The following FES variants were observed in gnomAD, a reference collection of about 807,000 sequenced individuals.
FES encodes the protein FES proto-oncogene, tyrosine kinase, also known as tyrosine-protein kinase Fes/Fps.
Under a neutral mutation model 109.6 loss-of-function variants are expected in FES, and 83 were observed. The ratio of observed to expected loss-of-function variants is 0.76; its 90% CI spans 0.63 to 0.91. The LOEUF (loss-of-function observed/expected upper bound fraction) is 0.91. Among genes scored for constraint, FES ranks in the 40% least tolerant of loss-of-function variants. The pLI is 0.00. For missense variants in FES, 943 were observed against 1,070.9 expected (o/e 0.88, Z 1.67); for synonymous variants, 458 against 442.1 (o/e 1.04, Z -0.45).
Position 90,893,977 on chromosome 15 carries a change from T to G in FES, c.2245T>G (p.Leu749Val). ...AAGCGACGTGTGGAGCTTTGGCATCTTGCTCTGGGAGACCTTCAGCCTGGG... is the reference window on the plus strand; with the variant it reads ...AAGCGACGTGTGGAGCTTTGGCATCGTGCTCTGGGAGACCTTCAGCCTGGG... ...SESDVWSFGI[L>V]LWETFSLGAS... The change falls in exon 18 of 19, where the codon TTG becomes GTG. Residue 749 changes from leucine to valine, a missense_variant. Coordinates refer to ENST00000328850, the MANE Select transcript of FES (RefSeq NM_002005.4). The G allele has an allele frequency of 6.2e-7, 1 of 1,613,864 alleles. No homozygotes were observed. Among genetic ancestry groups the G allele is most frequent in the East Asian group, 2.2e-5 (1 of 44,874 alleles).
At chr15:90,891,251 C>G in intron 11 of FES, 60 bp downstream of exon 11, 2 of 1,516,316 alleles carry the variant, frequency 1.3e-6, no homozygotes, top group Non-Finnish European at 1.8e-6. Flanking sequence ...TTCCCTTCCC[C>G]AAGGGAAATG....
At chr15:90,891,808 C>A (rs984659857) in intron 12 of FES, 132 bp downstream of exon 12, 4 of 1,346,828 alleles carry the variant, frequency 3.0e-6, no homozygotes, top group African/African-American at 1.4e-5. Context: ...GAGTGAGTGA[C>A]CCTCAGGGCC....
chr15:90,890,295 G>A lies in FES; in HGVS notation c.1236+17G>A, dbSNP rs749208680. The A allele has an allele frequency of 1.9e-6, 3 of 1,586,488 alleles. No individual in the cohort carries two copies. Among genetic ancestry groups the A allele is most frequent in the South Asian group, 1.1e-5 (1 of 90,204 alleles). On this transcript the variant is annotated intron_variant, in intron 9 of 18. Coordinates refer to ENST00000328850, the MANE Select transcript of FES (RefSeq NM_002005.4). ...TCGTCCTCGGTGAGCTGCCCCATCCGCGGCCGCTGCCCGCCACCGGCCTGC... is the reference window on the plus strand; with the variant it reads ...TCGTCCTCGGTGAGCTGCCCCATCCACGGCCGCTGCCCGCCACCGGCCTGC...
At position 90,885,505 on chromosome 15, in the gene FES, A is replaced by C; in HGVS notation, c.307A>C (p.Ser103Arg). ...DLNSGPLSKL[S>R]LLIRERQQLR... Reference sequence around the variant, plus strand: ...GAACTCAGGGCCCCTGAGCAAGCTGAGCCTGCTCATCCGGGAACGGCAGCA... The same window carrying C: ...GAACTCAGGGCCCCTGAGCAAGCTGCGCCTGCTCATCCGGGAACGGCAGCA... Residue 103 changes from serine to arginine, a missense_variant, in exon 3 of 19, where the codon AGC (serine) becomes CGC (arginine). By Grantham distance (110) the Ser-to-Arg change is moderately radical. Transcript: ENST00000328850. 1.2e-6 allele frequency: 2 copies of C among 1,613,442 alleles called. No individual in the cohort carries two copies. The highest frequency in any genetic ancestry group is 1.7e-6 in the Non-Finnish European group (2 of 1,180,032).
In FES at chr15:90,889,203, G is replaced by C. The variant is rs2032955330; in HGVS notation, c.669-103G>C. The C allele has an allele frequency of 6.7e-7, 1 of 1,493,024 alleles. No homozygotes were observed. The allele number at this position is 1,493,024 out of a possible 1,614,324, so 92.5% of individuals were successfully genotyped here. On this transcript the variant is annotated intron_variant, in intron 5 of 18. Transcript: ENST00000328850. The surrounding 1 kb of genome is among the most constrained non-coding windows in gnomAD (Gnocchi z 6.1). ...CATGGCTAGCTCGAAGTGAGGCAGG[G>C]GTCAACCCCAGCCCTGACTCCAAAC...
In FES at chr15:90,889,436, C is replaced by A; in HGVS notation, c.799C>A (p.Gln267Lys). 1 of 1,614,076 alleles carries A rather than the reference C, an allele frequency of 6.2e-7. No homozygotes were observed. Among genetic ancestry groups the A allele is most frequent in the South Asian group, 1.1e-5 (1 of 91,088 alleles). ...PEAEYQGFLR[Q>K]YGSAPDVPPC... ...GGCTGAGTACCAAGGCTTCCTGCGA[C>A]AGTATGGGTAAGCCCCGTCCTTGCT... is the stretch of plus-strand genomic sequence containing the variant. The change falls in exon 6 of 19, where the codon CAG (glutamine) becomes AAG (lysine). Residue 267 changes from glutamine (Q) to lysine (K), a missense_variant. Gln to Lys is a moderately conservative substitution (Grantham distance 53, BLOSUM62 1). Transcript: ENST00000328850. This position sits in a 1 kb window ranked among gnomAD's most constrained non-coding sequence, Gnocchi z 6.1.
rs748341609 is a variant in FES at position 90,892,069 on chromosome 15, G to A, written c.1665G>A (p.Val555=). The change falls in exon 13 of 19, where the codon GTG becomes GTA. Residue 555 remains valine, a synonymous_variant. Transcript: ENST00000328850. The part of the protein sequence containing the change: ...LHRAVPKDKW[V]LNHEDLVLGE... Reference sequence around the variant, plus strand: ...CCTCTCTTCCCCAGGACAAGTGGGTGCTGAACCATGAGGACCTGGTGTTGG... The same window carrying A: ...CCTCTCTTCCCCAGGACAAGTGGGTACTGAACCATGAGGACCTGGTGTTGG... 4 of 1,614,130 alleles carry A rather than the reference G, an allele frequency of 2.5e-6. No homozygotes were observed. Among genetic ancestry groups the A allele is most frequent in the Admixed American group, 1.7e-5 (1 of 60,026 alleles).
In FES at chr15:90,889,603, T is replaced by G; in HGVS notation, c.893T>G (p.Leu298Arg). ...GEPLEPGELQ[L>R]NELTVESVQH... ...CCGCTGGAGCCTGGGGAGCTCCAGC[T>G]GAACGAGCTGACTGTGGAGAGCGTG... is the stretch of plus-strand genomic sequence containing the variant. Residue 298 changes from leucine to arginine, a missense_variant, in exon 7 of 19, where the codon CTG (leucine) becomes CGG (arginine). Leu to Arg is a moderately radical substitution (Grantham distance 102). Transcript: ENST00000328850. This position sits in a 1 kb window ranked among gnomAD's most constrained non-coding sequence, Gnocchi z 6.1. The G allele has an allele frequency of 6.2e-7, 1 of 1,613,590 alleles. No individual in the cohort carries two copies. The highest frequency in any genetic ancestry group is 8.5e-7 in the Non-Finnish European group (1 of 1,179,998).
intron 18 of FES, among the ~76,000 whole-genome samples, chr15:90,894,346 AG>A (rs1195475071): frequency 3.3e-5 from 5 of 152,314 alleles, no homozygotes; most frequent in Middle Eastern, 3.4e-3. Context: ...GCACTTTGGG[AG>A]GCCGAGGCAG....
At chr15:90,890,039 C>T in intron 8 of FES, 53 bp from the exon 9 acceptor site, 1 of 1,582,138 alleles carries the variant, frequency 6.3e-7, no homozygotes, top group Non-Finnish European at 8.6e-7. Context: ...TGGCTACCCG[C>T]CGCAGACCGA....
At chr15:90,888,801 TGTA>T (rs2032917300) in intron 5 of FES, among the ~76,000 whole-genome samples, 1 of 150,188 alleles carries the variant, frequency 6.7e-6, no homozygotes, top group Admixed American at 6.7e-5. Flanking sequence ...TATTTAGAGA[TGTA>T]GTCTCATTCT....
Position 90,889,998 on chromosome 15 carries a change from C to G in FES, c.1049+36C>G. On this transcript the variant is annotated intron_variant, in intron 8 of 18. Transcript: ENST00000328850. This position sits in a 1 kb window ranked among gnomAD's most constrained non-coding sequence, Gnocchi z 6.1. ...CCCTGCCTGCAGCAGCCTCCTGGGC[C>G]TCCCTCCCTCCTACCTACCCTAACT... The G allele has an allele frequency of 6.2e-7, 1 of 1,601,818 alleles. No homozygotes were observed. Among genetic ancestry groups the G allele is most frequent in the Non-Finnish European group, 8.5e-7 (1 of 1,172,850 alleles).
At chr15:90,888,685 G>A (rs1009053954) in intron 5 of FES, among the ~76,000 whole-genome samples, 7 of 152,188 alleles carry the variant, frequency 4.6e-5, no homozygotes, top group African/African-American at 1.4e-4. Context: ...AGATGGAGTG[G>A]CTGTTAACTT....
Position 90,889,460 on chromosome 15 carries a change from C to T in FES, c.806+17C>T. On this transcript the variant is annotated intron_variant, in intron 6 of 18. Transcript: ENST00000328850. This position sits in a 1 kb window ranked among gnomAD's most constrained non-coding sequence, Gnocchi z 6.1. ...ACAGTATGGGTAAGCCCCGTCCTTG[C>T]TCCTGCTGGGCCCAGGGCTGCTGGC... The T allele has an allele frequency of 3.1e-6, 5 of 1,613,948 alleles. No individual in the cohort carries two copies. Among genetic ancestry groups the T allele is most frequent in the Non-Finnish European group, 4.2e-6 (5 of 1,179,952 alleles).
chr15:90,891,784 A>G, intron 12 of FES, 108 bp downstream of exon 12: 1 of 1,486,630 alleles, frequency 6.7e-7, no homozygotes, highest in East Asian at 2.3e-5. Context: ...CCCTCCGTCT[A>G]CATACAAGAT....
At chr15:90,888,729 G>A (rs971960908) in intron 5 of FES, among the ~76,000 whole-genome samples, 1 of 151,606 alleles carries the variant, frequency 6.6e-6, no homozygotes, top group African/African-American at 2.4e-5. Flanking sequence ...AGAGGTTTAG[G>A]AGACAAGGAT....
intron 3 of FES, 62 bp downstream of exon 3, chr15:90,885,647 G>T: frequency 6.4e-7 from 1 of 1,562,158 alleles, no homozygotes; most frequent in South Asian, 1.2e-5. Context: ...CGAAGGGGTT[G>T]TTTTGCACAA....
intron 5 of FES, among the ~76,000 whole-genome samples, chr15:90,888,305 C>G (rs1029131725): frequency 6.6e-6 from 1 of 152,192 alleles, no homozygotes; most frequent in Admixed American, 6.5e-5. Context: ...GGGGTTTCAC[C>G]ATGTTGCCCA....
In FES at chr15:90,890,203, G is replaced by T; in HGVS notation, c.1161G>T (p.Lys387Asn). The T allele has an allele frequency of 6.2e-7, 1 of 1,602,046 alleles. No homozygotes were observed. ...CCCAGCAGGAGTTGCTGCAGACCAAGCTGGAGCACCTGGGCCCCGGCGAGC... is the reference window on the plus strand; with the variant it reads ...CCCAGCAGGAGTTGCTGCAGACCAATCTGGAGCACCTGGGCCCCGGCGAGC... ...LQAQQELLQTKLEHLGPGEPP... is the reference protein window; with the variant it reads ...LQAQQELLQTNLEHLGPGEPP... The change falls in exon 9 of 19, where the codon AAG becomes AAT. Residue 387 changes from lysine (K) to asparagine (N), a missense_variant. Transcript: ENST00000328850.
Sources: gnomAD v4.1 joint callset for allele counts (sites outside exome capture counted in the v4.1 genomes callset) on GRCh38, gnomAD v4.1.1 for gene constraint, Gnocchi (gnomAD v3.1) non-coding constraint, MANE v1.5 for transcripts, NCBI Gene and HGNC (gene_info 2026-07-23, HGNC 2026-07-21) for gene names.